BBS9: variants seen among roughly 807,000 people sequenced by gnomAD.
BBS9 encodes Bardet-Biedl syndrome 9.
A neutral mutation model predicts 117.7 loss-of-function variants in BBS9; 89 were observed. The ratio of observed to expected loss-of-function variants is 0.76; its 90% confidence interval spans 0.64 to 0.90. The LOEUF (loss-of-function observed/expected upper bound fraction) is 0.90, where lower values mean the gene tolerates loss of function less well. Ranked by LOEUF, BBS9 falls within the 40% of genes least tolerant of loss-of-function variation. The pLI is 0.00. For missense variants in BBS9, 982 were observed against 1,042.2 expected, an observed-to-expected ratio of 0.94 and a Z score of 0.80; for synonymous variants, 379 against 370.9, an observed-to-expected ratio of 1.02 and a Z score of -0.25.
At position 33,255,131 on chromosome 7, in the gene BBS9, G is replaced by C. The variant is rs545478384; in HGVS notation, c.443-2105G>C. On this transcript the variant is annotated intron_variant, in intron 5 of 22. Coordinates refer to ENST00000242067, the MANE Select transcript of BBS9 (RefSeq NM_198428.3). ...TTTTTTGTTGATTGTTTTCTTTGCT[G>C]TGCAGAAAATTTTTAGTTTGATGTA... Among the ~76,000 whole-genome samples the C allele has an allele frequency of 3.9e-5, 6 of 151,918 alleles. 1 individual carries two copies.
intron 11 of BBS9, among the ~76,000 whole-genome samples, chr7:33,344,364 C>T (rs370356128): frequency 1.1e-4 from 17 of 152,158 alleles, no homozygotes; most frequent in South Asian, 6.2e-4. Context: ...CCACCGTGCC[C>T]GGCCCAGGGG....
At chr7:33,625,418 G>T (rs944354850) in intron 21 of BBS9, among the ~76,000 whole-genome samples, 2 of 152,112 alleles carry the variant, frequency 1.3e-5, no homozygotes, top group Non-Finnish European at 2.9e-5. Context: ...TGAGGAAACT[G>T]CCAAGAAATT....
At chr7:33,504,044 T>G (rs1845817239) in intron 19 of BBS9, among the ~76,000 whole-genome samples, 1 of 152,226 alleles carries the variant, frequency 6.6e-6, no homozygotes, top group Non-Finnish European at 1.5e-5. Context: ...TCCCACTAAT[T>G]GGCTGTGTAT....
intron 5 of BBS9, chr7:33,242,910 G>C (rs988072428): frequency 3.9e-6 from 2 of 518,132 alleles, no homozygotes; most frequent in Non-Finnish European, 7.7e-6. Flanking sequence ...AGAAGACGTA[G>C]TGTTGAGTTC....
At chr7:33,624,837 G>A (rs1865566146) in intron 21 of BBS9, among the ~76,000 whole-genome samples, 1 of 152,122 alleles carries the variant, frequency 6.6e-6, no homozygotes, top group East Asian at 1.9e-4. Context: ...AGGTCATCCT[G>A]ATTATAGAGG....
chr7:33,199,588 A>G (rs1489272892), intron 5 of BBS9, among the ~76,000 whole-genome samples: 1 of 147,282 alleles, frequency 6.8e-6, no homozygotes, highest in Non-Finnish European at 1.5e-5. Flanking sequence ...TCAGCAATCT[A>G]TTTTTTTTTT....
Position 33,183,618 on chromosome 7 carries a change from T to C in BBS9, c.442+6027T>C, listed in dbSNP as rs538091298. ...CAGCACTGGACAGTTTCCATTGCCC[T>C]TCCCAGAAAGAGCCTAGAGCAGTCA... On this transcript the variant is annotated intron_variant, in intron 5 of 22. Transcript: ENST00000242067. 1.1e-3 allele frequency among the ~76,000 whole-genome samples: 171 copies of C among 152,324 alleles called. 1 individual carries two copies. Among genetic ancestry groups the C allele is most frequent in the African/African-American group, 4.0e-3 (167 of 41,582 alleles).
chr7:33,579,539 C>T (rs573869299), intron 21 of BBS9, among the ~76,000 whole-genome samples: 2 of 152,222 alleles, frequency 1.3e-5, no homozygotes, highest in Admixed American at 6.5e-5. Flanking sequence ...CAATTTTCGC[C>T]TCAAACATGA....
chr7:33,381,274 A>G (rs1264238868), intron 17 of BBS9, among the ~76,000 whole-genome samples: 4 of 152,160 alleles, frequency 2.6e-5, no homozygotes, highest in Non-Finnish European at 5.9e-5. Context: ...GTCAGCCCTA[A>G]TGATTGGTCC....
At chr7:33,522,279 G>A (rs985526002) in intron 20 of BBS9, among the ~76,000 whole-genome samples, 1 of 152,064 alleles carries the variant, frequency 6.6e-6, no homozygotes, top group African/African-American at 2.4e-5. Flanking sequence ...GGATTGTTGG[G>A]TCAAATGGTA....
At chr7:33,270,689 C>T (rs1423787223) in intron 7 of BBS9, among the ~76,000 whole-genome samples, 2 of 152,066 alleles carry the variant, frequency 1.3e-5, no homozygotes, top group Non-Finnish European at 2.9e-5. Flanking sequence ...ATGAACAAAA[C>T]CTCCAAGACA....
chr7:33,163,412 C>T (rs1237674971), intron 4 of BBS9, among the ~76,000 whole-genome samples: 1 of 152,096 alleles, frequency 6.6e-6, no homozygotes, highest in Non-Finnish European at 1.5e-5. Flanking sequence ...ATGGTACCAC[C>T]TCCTCTTTGT....
At chr7:33,231,781 A>T (rs889708832) in intron 5 of BBS9, among the ~76,000 whole-genome samples, 4 of 152,104 alleles carry the variant, frequency 2.6e-5, no homozygotes, top group African/African-American at 7.2e-5. Context: ...TATAATTGAA[A>T]CATAAGAGTT....
chr7:33,196,452 AAC>A (rs1161967552), intron 5 of BBS9, among the ~76,000 whole-genome samples: 2 of 152,200 alleles, frequency 1.3e-5, no homozygotes, highest in African/African-American at 4.8e-5. Context: ...GAACAGCCAG[AAC>A]ACAGCCTTGC....
intron 16 of BBS9, among the ~76,000 whole-genome samples, chr7:33,365,751 A>G (rs1053908320): frequency 1.3e-5 from 2 of 152,328 alleles, no homozygotes; most frequent in Admixed American, 1.3e-4. Context: ...AGGAACCCCC[A>G]CTGCTGTGTT....
At chr7:33,493,050 A>G (rs796138480) in intron 19 of BBS9, among the ~76,000 whole-genome samples, 16 of 151,940 alleles carry the variant, frequency 1.1e-4, no homozygotes, top group African/African-American at 3.9e-4. Flanking sequence ...GCTGGAGTGC[A>G]GTGGTGCATT....
intron 21 of BBS9, among the ~76,000 whole-genome samples, chr7:33,538,278 A>G (rs1365248514): frequency 6.6e-6 from 1 of 152,240 alleles, no homozygotes; most frequent in Non-Finnish European, 1.5e-5. Context: ...TATATAATCC[A>G]TATATTTTCA....
chr7:33,387,754 G>T lies in BBS9; in HGVS notation c.1963-238G>T, dbSNP rs149765040. 0.011 allele frequency among the ~76,000 whole-genome samples: 1,659 copies of T among 152,192 alleles called. 18 individuals carry two copies. The highest frequency in any genetic ancestry group is 0.038 in the African/African-American group (1,571 of 41,506). On this transcript the variant is annotated intron_variant, in intron 18 of 22. Transcript: ENST00000242067. ...TTGAAAAACACTTATTAAATGATCTGTTTTTCCTCCAGTGATACTGGTTAA... is the reference window on the plus strand; with the variant it reads ...TTGAAAAACACTTATTAAATGATCTTTTTTTCCTCCAGTGATACTGGTTAA...
At chr7:33,381,578 G>A (rs1029312329) in intron 17 of BBS9, among the ~76,000 whole-genome samples, 2 of 151,984 alleles carry the variant, frequency 1.3e-5, no homozygotes, top group Non-Finnish European at 2.9e-5. Flanking sequence ...CCCCTGCCCC[G>A]CCACAACTGT....
Sources: allele counts gnomAD v4.1 joint callset (sites outside exome capture counted in the v4.1 genomes callset), GRCh38; gene constraint gnomAD v4.1.1; transcripts MANE v1.5; gene names NCBI Gene and HGNC (gene_info 2026-07-23, HGNC 2026-07-21).